The following ODAD2 variants were observed in gnomAD, a reference collection of about 807,000 sequenced individuals.
The protein encoded by ODAD2 is outer dynein arm docking complex subunit 2, also known as outer dynein arm-docking complex subunit 2.
In ODAD2, 89 loss-of-function variants were observed where a neutral mutation model predicts 106.8. The ratio of observed to expected loss-of-function variants is 0.83; its 90% CI spans 0.70 to 0.99. The LOEUF is 0.99. Among genes scored for constraint, ODAD2 ranks in the 50% least tolerant of loss-of-function variants. The probability of loss-of-function intolerance (pLI) is 0.00; values close to 1 mark genes in which losing one functional copy is unlikely to be tolerated. For missense variants in ODAD2, 1,168 were observed against 1,238.5 expected, an observed-to-expected ratio of 0.94 and a Z score of 0.85; for synonymous variants, 404 against 436.2, an observed-to-expected ratio of 0.93 and a Z score of 0.92.
rs746897925 is a variant in ODAD2, at chr10:27,944,867, T to G, written c.1482A>C (p.Gly494=). 3 of 1,614,148 alleles carry G rather than the reference T, an allele frequency of 1.9e-6. No homozygotes were observed. Among genetic ancestry groups the G allele is most frequent in the South Asian group, 1.1e-5 (1 of 91,078 alleles). ...ETCQLAIRDV[G]GLEVLINLLE... ...GCAAATTTATCAGCACTTCCAGGCC[T>G]CCAACATCTCTGATGGCCAACTGGC... Residue 494 remains glycine, a synonymous_variant, in exon 11 of 20, where the codon GGA becomes GGC. Coordinates refer to ENST00000305242, the MANE Select transcript of ODAD2 (RefSeq NM_018076.5).
intron 19 of ODAD2, among the ~76,000 whole-genome samples, chr10:27,827,266 A>G (rs1837118909): frequency 6.6e-6 from 1 of 151,682 alleles, no homozygotes; most frequent in African/African-American, 2.4e-5. Flanking sequence ...TTTTGTCTAT[A>G]CACCCTCCAA....
chr10:27,868,136 T>C (rs1840587406), intron 17 of ODAD2, among the ~76,000 whole-genome samples: 1 of 152,136 alleles, frequency 6.6e-6, no homozygotes, highest in African/African-American at 2.4e-5. Context: ...TGAGGTATCA[T>C]CTCATGCCAG....
At chr10:27,828,748 A>C (rs1473393143) in intron 19 of ODAD2, among the ~76,000 whole-genome samples, 1 of 152,204 alleles carries the variant, frequency 6.6e-6, no homozygotes, top group Non-Finnish European at 1.5e-5. Flanking sequence ...ACTTTACTCT[A>C]GGAAATGCTA....
At chr10:27,974,442 A>C (rs932668599) in intron 7 of ODAD2, among the ~76,000 whole-genome samples, 3 of 152,236 alleles carry the variant, frequency 2.0e-5, no homozygotes, top group Non-Finnish European at 4.4e-5. Flanking sequence ...AATCTTCTGC[A>C]TATGGCTAGC....
chr10:27,945,317 C>T (rs570253066), intron 10 of ODAD2, among the ~76,000 whole-genome samples: 3 of 152,156 alleles, frequency 2.0e-5, no homozygotes, highest in Non-Finnish European at 4.4e-5. Context: ...TTGCATAATG[C>T]AAAGCACGTC....
intron 19 of ODAD2, among the ~76,000 whole-genome samples, chr10:27,846,965 T>C (rs1452517532): frequency 1.3e-5 from 2 of 152,194 alleles, no homozygotes; most frequent in South Asian, 2.1e-4. Context: ...CAGGATCAGA[T>C]GGATTCACAG....
intron 2 of ODAD2, among the ~76,000 whole-genome samples, chr10:27,994,182 T>C (rs1850407996): frequency 6.6e-6 from 1 of 152,010 alleles, no homozygotes. Flanking sequence ...AAGTAAATTT[T>C]TTTTCATCTC....
rs547592643 is a variant in ODAD2, at chr10:27,989,720, G to A, written c.225-2177C>T. ...CTACCTTAACCAGGCATGGTGGCAC[G>A]TGCTTTGGTCCCAGCTACTTGGGAG... is the stretch of plus-strand genomic sequence containing the variant. On this transcript the variant is annotated intron_variant, in intron 2 of 19. Coordinates refer to ENST00000305242, the MANE Select transcript of ODAD2 (RefSeq NM_018076.5). 1.0e-3 allele frequency among the ~76,000 whole-genome samples: 156 copies of A among 152,260 alleles called. 1 individual carries two copies. The highest frequency in any genetic ancestry group is 3.7e-3 in the African/African-American group (155 of 41,552).
intron 10 of ODAD2, among the ~76,000 whole-genome samples, chr10:27,953,005 T>A (rs1370760583): frequency 6.6e-6 from 1 of 152,196 alleles, no homozygotes; most frequent in East Asian, 1.9e-4. Context: ...TATTGACATA[T>A]AATTGATATA....
chr10:27,953,936 G>A (rs191280611), intron 10 of ODAD2, among the ~76,000 whole-genome samples: 28 of 152,216 alleles, frequency 1.8e-4, no homozygotes, highest in Admixed American at 2.6e-4. Context: ...ACCCACTCAG[G>A]GAGCAAGAGC....
chr10:27,824,695 G>A (rs1312948765), intron 19 of ODAD2, among the ~76,000 whole-genome samples: 1 of 152,184 alleles, frequency 6.6e-6, no homozygotes, highest in Non-Finnish European at 1.5e-5. Context: ...CAGACTGTAA[G>A]AAAATTGCCC....
At chr10:27,871,382 C>T (rs185004865) in intron 17 of ODAD2, among the ~76,000 whole-genome samples, 9 of 152,160 alleles carry the variant, frequency 5.9e-5, no homozygotes, top group Admixed American at 1.3e-4. Context: ...TGTCAATTTT[C>T]GCTTTTGTTG....
Position 27,987,526 on chromosome 10 carries a change from G to A in ODAD2, c.242C>T (p.Ser81Leu), listed in dbSNP as rs769690437. The change falls in exon 3 of 20, where the codon TCA becomes TTA. Residue 81 changes from serine (S) to leucine (L), a missense_variant. This residue lies in a region of ODAD2 where 430 missense variants were observed against 452.2 expected (regional missense o/e 0.95). Coordinates refer to ENST00000305242, the MANE Select transcript of ODAD2 (RefSeq NM_018076.5). ...CTGTCCATTTTTATCAACTTCTTCT[G>A]ATTTGACTGTTGTTTCACTAAAAAA... ...GYVVSETTVKSEEVDKNGQPL... is the reference protein window; with the variant it reads ...GYVVSETTVKLEEVDKNGQPL... 3.1e-6 allele frequency: 5 copies of A among 1,609,044 alleles called. No homozygotes were observed. In the South Asian group the frequency reaches 3.3e-5, roughly 11 times the overall value.
At chr10:27,903,286 G>A (rs1843342479) in intron 17 of ODAD2, among the ~76,000 whole-genome samples, 2 of 152,070 alleles carry the variant, frequency 1.3e-5, no homozygotes, top group Non-Finnish European at 2.9e-5. Flanking sequence ...ACTAATTATT[G>A]ATGGAATGTA....
At chr10:27,930,827 T>TTGTC (rs766628611) in intron 16 of ODAD2, among the ~76,000 whole-genome samples, 1 of 152,196 alleles carries the variant, frequency 6.6e-6, no homozygotes, top group Admixed American at 6.5e-5. Flanking sequence ...TGAGAACACG[T>TTGTC]TGTCATTTAG....
At chr10:27,974,918 T>C (rs1849096260) in intron 7 of ODAD2, among the ~76,000 whole-genome samples, 1 of 152,090 alleles carries the variant, frequency 6.6e-6, no homozygotes, top group Non-Finnish European at 1.5e-5. Context: ...GATTTCTTTG[T>C]AGTGTTTTGT....
chr10:27,968,158 A>C (rs1364010621), intron 9 of ODAD2, among the ~76,000 whole-genome samples: 1 of 151,684 alleles, frequency 6.6e-6, no homozygotes, highest in Admixed American at 6.6e-5. Flanking sequence ...CAGCAAAGAA[A>C]GAGAAGATAG....
Position 27,860,612 on chromosome 10 carries a change from C to T in ODAD2, c.3021+13G>A, listed in dbSNP as rs1000450592. The T allele has an allele frequency of 1.2e-6, 2 of 1,611,266 alleles. No individual in the cohort carries two copies. Among genetic ancestry groups the T allele is most frequent in the Non-Finnish European group, 1.7e-6 (2 of 1,178,006 alleles). The stretch of plus-strand genomic sequence containing the variant: ...CCAAACTTGGACTAAACCACAAAGT[C>T]ATTCAACTGTACCTTTACTGCACCA... On this transcript the variant is annotated intron_variant, in intron 19 of 19. Transcript: ENST00000305242.
intron 19 of ODAD2, among the ~76,000 whole-genome samples, chr10:27,819,118 C>T (rs1836386107): frequency 6.6e-6 from 1 of 152,124 alleles, no homozygotes; most frequent in African/African-American, 2.4e-5. Flanking sequence ...TTGATCTTTC[C>T]CCTTCCTATT....
Sources: allele counts gnomAD v4.1 joint callset (sites outside exome capture counted in the v4.1 genomes callset), GRCh38; gene constraint gnomAD v4.1.1; regional missense constraint gnomAD v4.1.1; transcripts MANE v1.5; gene names NCBI Gene and HGNC (gene_info 2026-07-23, HGNC 2026-07-21).